Variants in SAMMSON observed in about 807,000 individuals in gnomAD.
The protein encoded by SAMMSON is long intergenic non-protein coding RNA 1212.
intron 3 of SAMMSON, chr3:70,015,378 C>A (rs2066979166): frequency 6.6e-6 from 1 of 151,292 alleles, no homozygotes. Flanking sequence ...AAAAAAAGTA[C>A]TGGATGGCCA....
chr3:70,165,864 A>G (rs1158588627), intron 4 of SAMMSON, among the ~76,000 whole-genome samples: 1 of 152,018 alleles, frequency 6.6e-6, no homozygotes, highest in Admixed American at 6.6e-5. Flanking sequence ...AAAATGTGCC[A>G]TCCAGCTCTC....
downstream of SAMMSON, among the ~76,000 whole-genome samples, chr3:70,393,325 T>C (rs985396321): frequency 1.3e-5 from 2 of 152,230 alleles, no homozygotes; most frequent in Non-Finnish European, 2.9e-5. Flanking sequence ...CACATAAAAT[T>C]GGGCTATTAA....
chr3:70,329,073 A>G (rs1702601761), intron 7 of SAMMSON, among the ~76,000 whole-genome samples: 1 of 152,116 alleles, frequency 6.6e-6, no homozygotes, highest in South Asian at 2.1e-4. Context: ...TACAGTACCA[A>G]ATTTTAGTCA....
intron 6 of SAMMSON, among the ~76,000 whole-genome samples, chr3:70,256,970 G>A (rs1314524838): frequency 1.3e-5 from 2 of 152,170 alleles, no homozygotes; most frequent in Non-Finnish European, 2.9e-5. Context: ...GGAAAAGCCC[G>A]ACTATGGGCT....
At chr3:70,077,463 T>C (rs2067251939) in intron 4 of SAMMSON, among the ~76,000 whole-genome samples, 1 of 152,094 alleles carries the variant, frequency 6.6e-6, no homozygotes, top group Non-Finnish European at 1.5e-5. Context: ...TCCTTGGGAA[T>C]AAAGAGGAGG....
At chr3:70,379,760 T>A (rs1703050350) in intron 9 of SAMMSON, among the ~76,000 whole-genome samples, 1 of 152,110 alleles carries the variant, frequency 6.6e-6, no homozygotes, top group Admixed American at 6.6e-5. Flanking sequence ...CTAATTTCCT[T>A]GTCCTTTATA....
At chr3:70,112,500 A>T (rs2067393789) in intron 4 of SAMMSON, among the ~76,000 whole-genome samples, 1 of 152,134 alleles carries the variant, frequency 6.6e-6, no homozygotes, top group Non-Finnish European at 1.5e-5. Context: ...ATTGGAAATT[A>T]TATGAGTTAG....
At chr3:70,267,782 A>G (rs1701934371) in intron 6 of SAMMSON, among the ~76,000 whole-genome samples, 1 of 152,058 alleles carries the variant, frequency 6.6e-6, no homozygotes, top group South Asian at 2.1e-4. Flanking sequence ...TCACTGGATG[A>G]GAGTTCAGTT....
intron 4 of SAMMSON, among the ~76,000 whole-genome samples, chr3:70,234,803 AT>A (rs1701592150): frequency 1.3e-5 from 2 of 152,032 alleles, no homozygotes; most frequent in Non-Finnish European, 2.9e-5. Context: ...AAGCAAATTA[AT>A]TTTTTAATTG....
chr3:70,160,204 C>CA lies in SAMMSON; in HGVS notation n.507+88650dup, dbSNP rs11303853. Among the ~76,000 whole-genome samples, 232 of 149,608 alleles carry CA rather than the reference C, an allele frequency of 1.6e-3. 1 individual carries two copies. The highest frequency in any genetic ancestry group is 4.4e-3 in the African/African-American group (181 of 40,764). ...ATGAATCATGCTTTTCATGTTATAT[C>CA]AAAAAAAAAAACCTTGCCTAATACA... is the stretch of plus-strand genomic sequence containing the variant. On this transcript the variant is annotated intron_variant and non_coding_transcript_variant, in intron 4 of 9. Transcript: ENST00000642114.
At chr3:70,009,175 C>T (rs1017674364) in intron 1 of SAMMSON, 3 of 152,074 alleles carry the variant, frequency 2.0e-5, no homozygotes, top group Non-Finnish European at 2.9e-5. Context: ...GGGAGGATTC[C>T]CTCTTTTTCT....
chr3:70,089,157 C>G (rs17006722), intron 4 of SAMMSON, among the ~76,000 whole-genome samples: 37,995 of 152,016 alleles, frequency 0.25, 4,992 homozygotes, highest in East Asian at 0.5. Flanking sequence ...TATATTCTGA[C>G]TTTTCCCAAG....
intron 6 of SAMMSON, among the ~76,000 whole-genome samples, chr3:70,255,682 C>T (rs1022390712): frequency 6.6e-6 from 1 of 152,158 alleles, no homozygotes; most frequent in Non-Finnish European, 1.5e-5. Flanking sequence ...TGGTCTTGAA[C>T]TGCTGGGCTC....
intron 4 of SAMMSON, among the ~76,000 whole-genome samples, chr3:70,201,933 C>T (rs963299913): frequency 1.1e-4 from 17 of 152,202 alleles, no homozygotes; most frequent in Non-Finnish European, 2.1e-4. Flanking sequence ...GGTGCTTCTC[C>T]TCCTGCTCTT....
chr3:70,103,821 A>G (rs73836098), intron 4 of SAMMSON, among the ~76,000 whole-genome samples: 1 of 152,194 alleles, frequency 6.6e-6, no homozygotes, highest in Non-Finnish European at 1.5e-5. Flanking sequence ...TCCTGTAACT[A>G]TCACACATTC....
At chr3:70,068,514 T>C (rs2067218470) in intron 3 of SAMMSON, 1 of 152,078 alleles carries the variant, frequency 6.6e-6, no homozygotes, top group Non-Finnish European at 1.5e-5. Flanking sequence ...CAGTAACCGC[T>C]TATGGGAGGT....
At chr3:70,375,779 G>A (rs1306439170) in intron 9 of SAMMSON, among the ~76,000 whole-genome samples, 1 of 152,004 alleles carries the variant, frequency 6.6e-6, no homozygotes, top group Non-Finnish European at 1.5e-5. Flanking sequence ...GCAGAGTGAG[G>A]CTCTCACCTT....
At chr3:70,147,362 A>G (rs2067553167) in intron 4 of SAMMSON, among the ~76,000 whole-genome samples, 1 of 152,050 alleles carries the variant, frequency 6.6e-6, no homozygotes, top group South Asian at 2.1e-4. Context: ...AATGGTCAAA[A>G]TCAATTTTGA....
At chr3:70,023,283 C>G (rs564008042) in intron 3 of SAMMSON, among the ~76,000 whole-genome samples, 2 of 151,442 alleles carry the variant, frequency 1.3e-5, no homozygotes, top group African/African-American at 4.9e-5. Flanking sequence ...AGCGAAACCC[C>G]GTCTCTAGTA....
Sources: gnomAD v4.1 joint callset for allele counts (sites outside exome capture counted in the v4.1 genomes callset) on GRCh38, gnomAD v4.1.1 for gene constraint, MANE v1.5 for transcripts, NCBI Gene and HGNC (gene_info 2026-07-23, HGNC 2026-07-21) for gene names.